TMEM132C: variants seen among roughly 807,000 people sequenced by gnomAD.
The protein encoded by TMEM132C is protein phosphatase 1, regulatory subunit 152.
TMEM132C carries 29 observed loss-of-function variants against 61.4 expected under a neutral mutation model. The ratio of observed to expected loss-of-function variants is 0.47; its 90% CI spans 0.35 to 0.64. The LOEUF is 0.64. Among genes scored for constraint, TMEM132C ranks in the 30% least tolerant of loss-of-function variants. TMEM132C has a pLI of 0.00. For missense variants in TMEM132C, 1,408 were observed against 1,476.9 expected (o/e 0.95, Z 0.76); for synonymous variants, 656 against 633.1 (o/e 1.04, Z -0.54).
At chr12:128,365,754 A>G (rs770647463) in intron 1 of TMEM132C, among the ~76,000 whole-genome samples, 76 of 152,204 alleles carry the variant, frequency 5.0e-4, no homozygotes, top group Non-Finnish European at 9.3e-4. Flanking sequence ...TGCTCCGAAT[A>G]GTGTCTGAGT....
intron 4 of TMEM132C, among the ~76,000 whole-genome samples, chr12:128,621,134 C>G (rs1444116017): frequency 6.6e-6 from 1 of 152,068 alleles, no homozygotes; most frequent in Non-Finnish European, 1.5e-5. Context: ...CCCATGTGAA[C>G]TACAGCCCCC....
Position 128,342,917 on chromosome 12 carries a change from G to C in TMEM132C, c.86-71815G>C, listed in dbSNP as rs12302786. ...ATTTGCATTGACTGCACAGTGCAGA[G>C]GTTGCTGATGGAGGTCCATTCTTTG... On this transcript the variant is annotated intron_variant, in intron 1 of 8. Transcript: ENST00000435159. Among the ~76,000 whole-genome samples, 259 of 152,324 alleles carry C rather than the reference G, an allele frequency of 1.7e-3. 1 individual carries two copies. Among genetic ancestry groups the C allele is most frequent in the African/African-American group, 5.9e-3 (245 of 41,578 alleles).
At chr12:128,395,889 C>G (rs992629158) in intron 1 of TMEM132C, among the ~76,000 whole-genome samples, 1 of 152,040 alleles carries the variant, frequency 6.6e-6, no homozygotes, top group Non-Finnish European at 1.5e-5. Context: ...CACTGAGTTA[C>G]CGGAGTCAAT....
chr12:128,545,157 G>T (rs377017984), intron 3 of TMEM132C, among the ~76,000 whole-genome samples: 4 of 152,078 alleles, frequency 2.6e-5, no homozygotes, highest in African/African-American at 9.7e-5. Flanking sequence ...AGTGTCTGTT[G>T]TTCCCATCTT....
At chr12:128,304,638 A>AAAG (rs1871704372) in intron 1 of TMEM132C, among the ~76,000 whole-genome samples, 1 of 134,564 alleles carries the variant, frequency 7.4e-6, no homozygotes, top group African/African-American at 3.1e-5. Flanking sequence ...AGAAAGAAAG[A>AAAG]AAAAAAAGAA....
At chr12:128,374,447 G>A (rs368440187) in intron 1 of TMEM132C, among the ~76,000 whole-genome samples, 17 of 152,222 alleles carry the variant, frequency 1.1e-4, no homozygotes, top group African/African-American at 3.4e-4. Context: ...TGAAGTTCTC[G>A]GGCACAGTGA....
chr12:128,270,785 A>G (rs555332551), intron 1 of TMEM132C, among the ~76,000 whole-genome samples: 6 of 152,316 alleles, frequency 3.9e-5, no homozygotes, highest in Non-Finnish European at 8.8e-5. Flanking sequence ...GCCTCTTAGT[A>G]GTTATTGCAA....
At chr12:128,401,580 C>T (rs146753146) in intron 1 of TMEM132C, among the ~76,000 whole-genome samples, 19 of 152,216 alleles carry the variant, frequency 1.2e-4, no homozygotes, top group Non-Finnish European at 2.2e-4. Context: ...AAAGGATCAA[C>T]GACTTTTTAG....
chr12:128,318,619 G>A (rs1188755042), intron 1 of TMEM132C, among the ~76,000 whole-genome samples: 1 of 152,138 alleles, frequency 6.6e-6, no homozygotes, highest in Non-Finnish European at 1.5e-5. Flanking sequence ...TGCTGAGATC[G>A]CGTCTGTTGC....
At chr12:128,661,559 T>TAA (rs55750879) in intron 4 of TMEM132C, among the ~76,000 whole-genome samples, 13 of 131,844 alleles carry the variant, frequency 9.9e-5, no homozygotes, top group Admixed American at 2.4e-4. Flanking sequence ...GAGAAGATGC[T>TAA]AAAAAAAAAA....
chr12:128,346,462 A>G (rs1245606268), intron 1 of TMEM132C, among the ~76,000 whole-genome samples: 1 of 152,190 alleles, frequency 6.6e-6, no homozygotes, highest in African/African-American at 2.4e-5. Context: ...GTAGTTTAAT[A>G]GGAATACCAT....
chr12:128,287,304 T>C (rs1871105631), intron 1 of TMEM132C, among the ~76,000 whole-genome samples: 1 of 152,226 alleles, frequency 6.6e-6, no homozygotes, highest in East Asian at 1.9e-4. Context: ...ATCAAAATAT[T>C]GTCTTAAACT....
chr12:128,648,153 CCAGA>C, intron 4 of TMEM132C, among the ~76,000 whole-genome samples: 2 of 150,320 alleles, frequency 1.3e-5, no homozygotes, highest in Admixed American at 1.3e-4. Context: ...AGTGTGTTTA[CCAGA>C]TGCCATCAAC....
chr12:128,513,276 G>A (rs1872622141), intron 2 of TMEM132C, among the ~76,000 whole-genome samples: 1 of 152,152 alleles, frequency 6.6e-6, no homozygotes, highest in Non-Finnish European at 1.5e-5. Context: ...CGGGGTGTCA[G>A]TATGGAATAA....
At chr12:128,560,848 G>A (rs1426266996) in intron 3 of TMEM132C, among the ~76,000 whole-genome samples, 1 of 152,230 alleles carries the variant, frequency 6.6e-6, no homozygotes, top group African/African-American at 2.4e-5. Context: ...GGATCAGAGA[G>A]CCCTCGTGTT....
At chr12:128,694,848 T>A (rs895836820) in intron 6 of TMEM132C, among the ~76,000 whole-genome samples, 1 of 152,226 alleles carries the variant, frequency 6.6e-6, no homozygotes, top group African/African-American at 2.4e-5. Context: ...ACAATGAGTT[T>A]GTTCCACATC....
chr12:128,413,317 A>AAAAAC, intron 1 of TMEM132C, among the ~76,000 whole-genome samples: 1 of 150,676 alleles, frequency 6.6e-6, no homozygotes, highest in Non-Finnish European at 1.5e-5. Context: ...AAAAAAAAAA[A>AAAAAC]AAAACCAATG....
chr12:128,281,404 C>G (rs1390041549), intron 1 of TMEM132C, among the ~76,000 whole-genome samples: 1 of 152,212 alleles, frequency 6.6e-6, no homozygotes, highest in East Asian at 1.9e-4. Flanking sequence ...AATCAAATCC[C>G]TGCTCCACTG....
intron 5 of TMEM132C, among the ~76,000 whole-genome samples, chr12:128,692,590 T>G (rs543951272): frequency 1.3e-5 from 2 of 152,308 alleles, no homozygotes; most frequent in South Asian, 4.1e-4. Context: ...TGCCAAGGCC[T>G]TGGGGAAGGG....
Sources: gnomAD v4.1 joint callset for allele counts (sites outside exome capture counted in the v4.1 genomes callset) on GRCh38, gnomAD v4.1.1 for gene constraint, MANE v1.5 for transcripts, NCBI Gene and HGNC (gene_info 2026-07-23, HGNC 2026-07-21) for gene names.